Variants in JMY observed in about 807,000 individuals in gnomAD.
JMY encodes junction mediating and regulatory protein, p53 cofactor, also known as junction-mediating and -regulatory protein.
JMY carries 46 observed loss-of-function variants against 103.3 expected under a neutral mutation model. The observed-to-expected ratio is 0.45, with a 90% CI of 0.35 to 0.57. The LOEUF (loss-of-function observed/expected upper bound fraction) is 0.57. JMY is among the 20% of genes least tolerant of loss of function. The probability of loss-of-function intolerance (pLI) is 0.00; values close to 1 mark genes in which losing one functional copy is unlikely to be tolerated. For synonymous variants in JMY, 526 were observed against 489.3 expected (o/e 1.07, Z -0.99); for missense variants, 1,238 against 1,255.2 (o/e 0.99, Z 0.21).
chr5:79,279,076 G>A (rs1580350835), intron 2 of JMY, among the ~76,000 whole-genome samples: 1 of 152,156 alleles, frequency 6.6e-6, no homozygotes, highest in African/African-American at 2.4e-5. Context: ...GATCATGCCT[G>A]TAATCCCAGC....
chr5:79,301,413 G>C (rs1010785938), intron 6 of JMY, among the ~76,000 whole-genome samples: 1 of 152,170 alleles, frequency 6.6e-6, no homozygotes, highest in Non-Finnish European at 1.5e-5. Context: ...CCAAACTGAT[G>C]ACTGTGTGGT....
intron 1 of JMY, among the ~76,000 whole-genome samples, chr5:79,271,686 C>CT (rs937867094): frequency 1.3e-4 from 20 of 152,180 alleles, no homozygotes; most frequent in African/African-American, 4.8e-4. Flanking sequence ...ATCACCAACT[C>CT]TGTCAACTTT....
chr5:79,307,160 A>G (rs1288313045), intron 7 of JMY, among the ~76,000 whole-genome samples: 3 of 152,204 alleles, frequency 2.0e-5, no homozygotes, highest in Non-Finnish European at 4.4e-5. Context: ...ATTGAAGGAC[A>G]TCTTGGTTGC....
In JMY at chr5:79,322,868, T is replaced by C. The variant is rs932197724; in HGVS notation, c.*1266T>C. The C allele has an allele frequency of 6.6e-6, 1 of 152,164 alleles. No homozygotes were observed. Among genetic ancestry groups the C allele is most frequent in the Non-Finnish European group, 1.5e-5 (1 of 68,026 alleles). 9.4% of individuals were successfully genotyped at this position (152,164 alleles called of 1,614,324 possible). A position where few individuals can be genotyped will look rare whatever the true frequency, so the allele number is the denominator to read the frequency against. On this transcript the variant is annotated 3_prime_UTR_variant, in exon 11 of 11. Coordinates refer to ENST00000396137, the MANE Select transcript of JMY (RefSeq NM_152405.5). ...CTGTGGAGGGAGTTAAGAACTAAAA[T>C]ACCAAAAATCACTTTATTTCTTTTA...
intron 8 of JMY, 118 bp from the exon 9 acceptor site, chr5:79,314,139 G>T: frequency 1.4e-6 from 2 of 1,472,770 alleles, no homozygotes; most frequent in South Asian, 1.4e-5. Context: ...GATTACAGGC[G>T]TGAGCCACCA....
At chr5:79,306,011 T>C (rs1746870336) in intron 6 of JMY, among the ~76,000 whole-genome samples, 1 of 152,146 alleles carries the variant, frequency 6.6e-6, no homozygotes, top group East Asian at 1.9e-4. Context: ...CTGGGCAACA[T>C]AGTGAGACCC....
chr5:79,265,953 T>G (rs1745576155), intron 1 of JMY, among the ~76,000 whole-genome samples: 1 of 152,052 alleles, frequency 6.6e-6, no homozygotes. Context: ...CGGCTAGTAC[T>G]GTATTTTTAG....
chr5:79,288,293 A>G (rs1460736551), intron 2 of JMY, among the ~76,000 whole-genome samples: 2 of 152,096 alleles, frequency 1.3e-5, no homozygotes, highest in Admixed American at 6.6e-5. Flanking sequence ...GCAGGCACAA[A>G]AATTTTTAGG....
intron 10 of JMY, among the ~76,000 whole-genome samples, chr5:79,316,615 ACAGAAAAGGGCCTGG>A (rs924092153): frequency 2.6e-5 from 4 of 152,052 alleles, no homozygotes; most frequent in African/African-American, 9.7e-5. Flanking sequence ...CCCTAAAAAA[ACAGAAAAGGGCCTGG>A]CACAGTGGCT....
At chr5:79,319,275 C>T (rs192623589) in intron 10 of JMY, among the ~76,000 whole-genome samples, 39 of 152,206 alleles carry the variant, frequency 2.6e-4, no homozygotes, top group South Asian at 6.2e-4. Flanking sequence ...AAACTTTTTT[C>T]GGGGGTGTGG....
chr5:79,305,745 G>A (rs931856392), intron 6 of JMY, among the ~76,000 whole-genome samples: 3 of 152,010 alleles, frequency 2.0e-5, no homozygotes, highest in Admixed American at 6.6e-5. Flanking sequence ...GTCTCTTGCA[G>A]CTCTTATGTC....
intron 1 of JMY, among the ~76,000 whole-genome samples, chr5:79,256,673 G>T (rs1239819253): frequency 6.6e-6 from 1 of 152,090 alleles, no homozygotes; most frequent in Non-Finnish European, 1.5e-5. Flanking sequence ...AAAAGTGGTG[G>T]GATTACAGAC....
In JMY at chr5:79,323,042, G is replaced by C. The variant is rs1023852130; in HGVS notation, c.*1440G>C. The C allele has an allele frequency of 2.0e-5, 3 of 152,170 alleles. No homozygotes were observed. The highest frequency in any genetic ancestry group is 4.8e-5 in the African/African-American group (2 of 41,488). 9.4% of individuals were successfully genotyped at this position (152,170 alleles called of 1,614,324 possible). ...AAATAATTAGGGAGAAAATTTTCTG[G>C]CAACAGGTTATGTAAGACAACAACT... is the stretch of plus-strand genomic sequence containing the variant. On this transcript the variant is annotated 3_prime_UTR_variant, in exon 11 of 11. Coordinates refer to ENST00000396137, the MANE Select transcript of JMY (RefSeq NM_152405.5).
intron 10 of JMY, among the ~76,000 whole-genome samples, chr5:79,319,562 C>T (rs1747369099): frequency 3.3e-4 from 1 of 3,068 alleles, no homozygotes; most frequent in Admixed American, 5.4e-3. Context: ...TTATTAGATT[C>T]CTTTTTTTTT....
chr5:79,269,019 C>T (rs1429020186), intron 1 of JMY, among the ~76,000 whole-genome samples: 1 of 152,068 alleles, frequency 6.6e-6, no homozygotes, highest in Non-Finnish European at 1.5e-5. Context: ...TCCCACTCAC[C>T]AATTTTTTAA....
chr5:79,324,039 T>C lies in JMY; in HGVS notation c.*2437T>C, dbSNP rs912357549. The C allele has an allele frequency of 1.3e-5, 2 of 152,234 alleles. No homozygotes were observed. Among genetic ancestry groups the C allele is most frequent in the Admixed American group, 1.3e-4 (2 of 15,286 alleles). The allele number at this position is 152,234 out of a possible 1,614,324, so 9.4% of individuals were successfully genotyped here. A position where few individuals can be genotyped will look rare whatever the true frequency, so the allele number is the denominator to read the frequency against. On this transcript the variant is annotated 3_prime_UTR_variant, in exon 11 of 11. Transcript: ENST00000396137. ...TTCCTTGCCTTAAGGTGCAGGTTCCTACTTCTACAAAATTTCAAATGATTG... is the reference window on the plus strand; with the variant it reads ...TTCCTTGCCTTAAGGTGCAGGTTCCCACTTCTACAAAATTTCAAATGATTG...
At chr5:79,272,408 CT>C (rs1745811128) in intron 1 of JMY, among the ~76,000 whole-genome samples, 1 of 151,898 alleles carries the variant, frequency 6.6e-6, no homozygotes, top group East Asian at 1.9e-4. Context: ...CTGTTTATAT[CT>C]TCTGTTTTGG....
At chr5:79,295,454 A>G (rs550537283) in intron 4 of JMY, among the ~76,000 whole-genome samples, 2 of 152,346 alleles carry the variant, frequency 1.3e-5, no homozygotes, top group East Asian at 3.9e-4. Flanking sequence ...TCATGAGTTA[A>G]TGCATATAAA....
At chr5:79,250,977 A>G (rs140858110) in intron 1 of JMY, among the ~76,000 whole-genome samples, 4 of 152,288 alleles carry the variant, frequency 2.6e-5, no homozygotes, top group East Asian at 3.9e-4. Context: ...AGAACTGCCT[A>G]TAATTCTTCA....
Sources: allele counts gnomAD v4.1 joint callset (sites outside exome capture counted in the v4.1 genomes callset), GRCh38; gene constraint gnomAD v4.1.1; transcripts MANE v1.5; gene names NCBI Gene and HGNC (gene_info 2026-07-23, HGNC 2026-07-21).